Variants in AP2M1 observed in about 807,000 individuals in gnomAD.
The protein encoded by AP2M1 is AP-2 complex subunit mu.
A neutral mutation model predicts 54.5 loss-of-function variants in AP2M1; 5 were observed. The ratio of observed to expected loss-of-function variants is 0.09; its 90% CI spans 0.05 to 0.19. The LOEUF (loss-of-function observed/expected upper bound fraction) is 0.19, where lower values mean the gene tolerates loss of function less well. Ranked by LOEUF, AP2M1 falls within the 10% of genes least tolerant of loss-of-function variation. AP2M1 has a pLI of 1.00. For missense variants in AP2M1, 178 were observed against 580.2 expected (o/e 0.31, Z 7.12); for synonymous variants, 186 against 208.2 (o/e 0.89, Z 0.92).
chr3:184,177,771 C>G (rs888912738), intron 2 of AP2M1: 3 of 670,450 alleles, frequency 4.5e-6, no homozygotes, highest in Non-Finnish European at 7.5e-6. Flanking sequence ...ACTGAAGGGA[C>G]CTATCCTAGC....
At position 184,183,354 on chromosome 3, in the gene AP2M1, G is replaced by T; in HGVS notation, c.1174-128G>T. On this transcript the variant is annotated intron_variant, in intron 11 of 11. Coordinates refer to ENST00000292807, the MANE Select transcript of AP2M1 (RefSeq NM_004068.4). This position sits in a 1 kb window ranked among gnomAD's most constrained non-coding sequence, Gnocchi z 5.7. ...TCTTAGAAGGTCCCACGCCGCCCCA[G>T]CTTCTTTCAGGACCCCAGCCATACA... is the stretch of plus-strand genomic sequence containing the variant. The T allele has an allele frequency of 6.9e-7, 1 of 1,442,392 alleles. No individual in the cohort carries two copies. Among genetic ancestry groups the T allele is most frequent in the Non-Finnish European group, 9.4e-7 (1 of 1,066,730 alleles). The allele number at this position is 1,442,392 out of a possible 1,614,324, so 89.3% of individuals were successfully genotyped here. A position where few individuals can be genotyped will look rare whatever the true frequency, so the allele number is the denominator to read the frequency against.
At chr3:184,177,676 G>A (rs1715120013) in intron 2 of AP2M1, 3 of 1,434,130 alleles carry the variant, frequency 2.1e-6, no homozygotes, top group African/African-American at 1.4e-5. Context: ...AGTAGACCCA[G>A]AGCAGCTCCA....
rs1715286218 is a variant in AP2M1, at chr3:184,181,931, A to G, written c.847A>G (p.Ile283Val). 2.5e-6 allele frequency: 4 copies of G among 1,614,194 alleles called. No individual in the cohort carries two copies. Among genetic ancestry groups the G allele is most frequent in the South Asian group, 1.1e-5 (1 of 91,086 alleles). The change falls in exon 9 of 12, where the codon ATC (isoleucine) becomes GTC (valine). Residue 283 changes from isoleucine to valine, a missense_variant. This residue lies in a region of AP2M1 where 59 missense variants were observed against 176.8 expected (regional missense o/e 0.33). Transcript: ENST00000292807. The surrounding 1 kb of genome is among the most constrained non-coding windows in gnomAD (Gnocchi z 5.7). ...ELMRYRTTKDIILPFRVIPLV... is the reference protein window; with the variant it reads ...ELMRYRTTKDVILPFRVIPLV... ...CTTAAGGTATCGCACAACCAAGGAC[A>G]TCATCCTTCCCTTCCGGGTGATCCC...
chr3:184,177,338 T>TA (rs1418877721), intron 2 of AP2M1, among the ~76,000 whole-genome samples: 1 of 152,228 alleles, frequency 6.6e-6, no homozygotes, highest in African/African-American at 2.4e-5. Context: ...TTTCTCTAGT[T>TA]ACAGTGCCTT....
At position 184,176,746 on chromosome 3, in the gene AP2M1, ATC is replaced by A. The variant is rs982281669; in HGVS notation, c.-43-197_-43-196del. 1.2e-4 allele frequency: 61 copies of A among 492,126 alleles called. 1 individual carries two copies. In the Admixed American group the frequency reaches 1.8e-3, roughly 14 times the overall value. 30.5% of individuals were successfully genotyped at this position (492,126 alleles called of 1,614,324 possible). A position where few individuals can be genotyped will look rare whatever the true frequency, so the allele number is the denominator to read the frequency against. The stretch of plus-strand genomic sequence containing the variant: ...AAATGGCCTTAGAATCCTGGGCCTA[ATC>A]TCTCTCTGTTTCTTTCTCCCATCTA... On this transcript the variant is annotated intron_variant, in intron 1 of 11. Transcript: ENST00000292807.
At chr3:184,177,572 T>A in intron 2 of AP2M1, 2 of 1,536,074 alleles carry the variant, frequency 1.3e-6, no homozygotes, top group South Asian at 1.2e-5. Flanking sequence ...TCAGCTGTCT[T>A]CAGTTCCTCT....
At chr3:184,179,301 T>C in intron 3 of AP2M1, 179 bp downstream of exon 3, 1 of 740,734 alleles carries the variant, frequency 1.4e-6, no homozygotes. Flanking sequence ...CATCCAGACC[T>C]GAAGGCTGGT....
intron 1 of AP2M1, 169 bp downstream of exon 1, chr3:184,175,128 G>A (rs1715020233): frequency 5.1e-6 from 2 of 395,542 alleles, no homozygotes; most frequent in South Asian, 1.4e-4. Flanking sequence ...GGGGGCGCCC[G>A]GGGCGCGATT....
Position 184,181,844 on chromosome 3 carries a change from G to C in AP2M1, c.827+29G>C. Reference sequence around the variant, plus strand: ...CCATTGGGGTGTGAGGAGGCAGCTAGTGCTGCTGGCAGACTGGGGAGAGGA... The same window carrying C: ...CCATTGGGGTGTGAGGAGGCAGCTACTGCTGCTGGCAGACTGGGGAGAGGA... On this transcript the variant is annotated intron_variant, in intron 8 of 11. Transcript: ENST00000292807. The surrounding 1 kb of genome is among the most constrained non-coding windows in gnomAD (Gnocchi z 5.7). 1 of 1,614,160 alleles carries C rather than the reference G, an allele frequency of 6.2e-7. No homozygotes were observed. Among genetic ancestry groups the C allele is most frequent in the Non-Finnish European group, 8.5e-7 (1 of 1,180,004 alleles).
chr3:184,179,374 G>A (rs11720032), intron 3 of AP2M1: 2 of 514,628 alleles, frequency 3.9e-6, no homozygotes, highest in Non-Finnish European at 6.9e-6. Context: ...ACCTGACTCA[G>A]GTTTGGTGGC....
rs137998821 is a variant in AP2M1 at position 184,178,232 on chromosome 3, C to A, written c.75-625C>A. 2.0e-6 allele frequency: 3 copies of A among 1,535,992 alleles called. No homozygotes were observed. Among genetic ancestry groups the A allele is most frequent in the African/African-American group, 1.4e-5 (1 of 73,052 alleles). On this transcript the variant is annotated intron_variant, in intron 2 of 11. Transcript: ENST00000292807. The surrounding 1 kb of genome is among the most constrained non-coding windows in gnomAD (Gnocchi z 4.9). ...GGCTGCCGTAGCAATAGGTAAGCGG[C>A]CTCTCAAGCTGCTGCCCAGGTACAG...
In AP2M1 at chr3:184,181,358, C is replaced by T. The variant is rs1715268234; in HGVS notation, c.707+132C>T. ...ACTCTGTTCCTGACGGTAAGCCTGG[C>T]TGTTCGCTCTTGACATTAGTGCTAC... On this transcript the variant is annotated intron_variant, in intron 7 of 11. Coordinates refer to ENST00000292807, the MANE Select transcript of AP2M1 (RefSeq NM_004068.4). The surrounding 1 kb of genome is among the most constrained non-coding windows in gnomAD (Gnocchi z 5.7). 2.2e-6 allele frequency: 3 copies of T among 1,361,660 alleles called. No homozygotes were observed. Among genetic ancestry groups the T allele is most frequent in the African/African-American group, 1.4e-5 (1 of 69,398 alleles). The allele number at this position is 1,361,660 out of a possible 1,614,324, so 84.3% of individuals were successfully genotyped here. A position where few individuals can be genotyped will look rare whatever the true frequency, so the allele number is the denominator to read the frequency against.
intron 3 of AP2M1, among the ~76,000 whole-genome samples, chr3:184,179,658 TTTTC>T (rs1220252033): frequency 4.5e-5 from 5 of 112,160 alleles, no homozygotes; most frequent in African/African-American, 1.9e-4. Context: ...TATTGATTTC[TTTTC>T]TTTTTTTTTT....
Position 184,180,308 on chromosome 3 carries a change from C to A in AP2M1, c.423+57C>A. 1.3e-6 allele frequency: 2 copies of A among 1,580,264 alleles called. No individual in the cohort carries two copies. Among genetic ancestry groups the A allele is most frequent in the South Asian group, 2.2e-5 (2 of 89,324 alleles). On this transcript the variant is annotated intron_variant, in intron 4 of 11. Coordinates refer to ENST00000292807, the MANE Select transcript of AP2M1 (RefSeq NM_004068.4). The surrounding 1 kb of genome is among the most constrained non-coding windows in gnomAD (Gnocchi z 4.9). ...GGAGTCCAATCTCCCTTCATCTCAG[C>A]TGGCCCCTGAGCCTTGTCTGAGCTG...
Position 184,180,121 on chromosome 3 carries a change from G to A in AP2M1, c.341-48G>A, listed in dbSNP as rs138198896. The A allele has an allele frequency of 6.1e-4, 972 of 1,594,064 alleles. 1 individual carries two copies. The highest frequency in any genetic ancestry group is 8.0e-4 in the Non-Finnish European group (929 of 1,162,772). ...GATGTGTAGGCCCAAGTAGGGGCTG[G>A]AATGAAGAAGCTCTGTCCAGGGGCT... On this transcript the variant is annotated intron_variant, in intron 3 of 11. Coordinates refer to ENST00000292807, the MANE Select transcript of AP2M1 (RefSeq NM_004068.4). This position sits in a 1 kb window ranked among gnomAD's most constrained non-coding sequence, Gnocchi z 4.9.
chr3:184,181,247 G>C lies in AP2M1; in HGVS notation c.707+21G>C. On this transcript the variant is annotated intron_variant, in intron 7 of 11. Transcript: ENST00000292807. The surrounding 1 kb of genome is among the most constrained non-coding windows in gnomAD (Gnocchi z 5.7). ...AAGAGGTGCCTGAGGCAGGAGAGCT[G>C]GTGGGAGAGGGTGTCCCTTGGAGGG... 1 of 1,613,442 alleles carries C rather than the reference G, an allele frequency of 6.2e-7. No individual in the cohort carries two copies.
chr3:184,181,058 C>A lies in AP2M1; in HGVS notation c.566-27C>A. The stretch of plus-strand genomic sequence containing the variant: ...TGGGCCTGCCTGCCTGACTCCGCTG[C>A]TCCCCATTTATCTGTTCCATCACCA... On this transcript the variant is annotated intron_variant, in intron 6 of 11. Coordinates refer to ENST00000292807, the MANE Select transcript of AP2M1 (RefSeq NM_004068.4). This position sits in a 1 kb window ranked among gnomAD's most constrained non-coding sequence, Gnocchi z 5.7. The A allele has an allele frequency of 1.2e-6, 2 of 1,614,138 alleles. No individual in the cohort carries two copies. Among genetic ancestry groups the A allele is most frequent in the Non-Finnish European group, 1.7e-6 (2 of 1,180,010 alleles).
Position 184,178,916 on chromosome 3 carries a change from G to A in AP2M1, c.134G>A (p.Ser45Asn). ...ATCCATGCCCGGCAGCAGGTGCGCA[G>A]CCCCGTCACCAACATTGCTCGCACC... ...NVIHARQQVR[S>N]PVTNIARTSF... Residue 45 changes from serine to asparagine, a missense_variant, in exon 3 of 12, where the codon AGC becomes AAC. Coordinates refer to ENST00000292807, the MANE Select transcript of AP2M1 (RefSeq NM_004068.4). This position sits in a 1 kb window ranked among gnomAD's most constrained non-coding sequence, Gnocchi z 4.9. 6.2e-7 allele frequency: 1 copy of A among 1,614,130 alleles called. No homozygotes were observed. Among genetic ancestry groups the A allele is most frequent in the Non-Finnish European group, 8.5e-7 (1 of 1,180,020 alleles).
rs750144318 is a variant in AP2M1, at chr3:184,183,451, G to T, written c.1174-31G>T. The T allele has an allele frequency of 8.7e-6, 14 of 1,613,296 alleles. No individual in the cohort carries two copies. The African/African-American group carries it at 1.1e-4, about 12-fold the overall frequency. ...AGAGGAGAGCGGCTGTAAGAGGAAG[G>T]CCACATTTCTAACTAGCTCTCCTTG... On this transcript the variant is annotated intron_variant, in intron 11 of 11. Coordinates refer to ENST00000292807, the MANE Select transcript of AP2M1 (RefSeq NM_004068.4). This position sits in a 1 kb window ranked among gnomAD's most constrained non-coding sequence, Gnocchi z 5.7.
Sources: gnomAD v4.1 joint callset for allele counts (sites outside exome capture counted in the v4.1 genomes callset) on GRCh38, gnomAD v4.1.1 for gene constraint, gnomAD v4.1.1 regional missense constraint, Gnocchi (gnomAD v3.1) non-coding constraint, MANE v1.5 for transcripts, NCBI Gene and HGNC (gene_info 2026-07-23, HGNC 2026-07-21) for gene names.